Variants in DOCK2 observed in about 807,000 individuals in gnomAD.
DOCK2 encodes the protein dedicator of cytokinesis 2.
DOCK2 carries 87 observed loss-of-function variants against 248.9 expected under a neutral mutation model. The ratio of observed to expected loss-of-function variants is 0.35; its 90% CI spans 0.29 to 0.42. DOCK2 has a LOEUF of 0.42. Among genes scored for constraint, DOCK2 ranks in the 10% least tolerant of loss-of-function variants. The pLI is 1.00. For synonymous variants in DOCK2, 805 were observed against 821.6 expected (o/e 0.98, Z 0.35); for missense variants, 1,747 against 2,300.2 (o/e 0.76, Z 4.92).
At chr5:169,702,797 A>G (rs1761058952) in intron 14 of DOCK2, among the ~76,000 whole-genome samples, 1 of 152,038 alleles carries the variant, frequency 6.6e-6, no homozygotes, top group Admixed American at 6.6e-5. Context: ...TATTCAGGCA[A>G]AGTCCATGGT....
At chr5:170,007,545 T>G (rs1755084031) in intron 30 of DOCK2, among the ~76,000 whole-genome samples, 1 of 152,176 alleles carries the variant, frequency 6.6e-6, no homozygotes, top group African/African-American at 2.4e-5. Context: ...TCACCTCAGT[T>G]TTGCAGACAG....
chr5:169,985,758 T>A, intron 28 of DOCK2, 70 bp from the exon 29 acceptor site: 3 of 1,338,956 alleles, frequency 2.2e-6, no homozygotes, highest in South Asian at 1.8e-5. Flanking sequence ...AGCAAAAAAA[T>A]TTGAAGAGCC....
chr5:170,014,418 A>G (rs1223512452), intron 32 of DOCK2, among the ~76,000 whole-genome samples: 1 of 152,176 alleles, frequency 6.6e-6, no homozygotes, highest in Non-Finnish European at 1.5e-5. Context: ...ATTTAACACC[A>G]TATTCTAAAG....
intron 39 of DOCK2, among the ~76,000 whole-genome samples, chr5:170,046,880 C>T (rs1756734198): frequency 6.6e-6 from 1 of 152,152 alleles, no homozygotes. Context: ...CATATATCTT[C>T]CAGATTGTAT....
At chr5:169,910,235 C>T (rs1379883274) in intron 27 of DOCK2, among the ~76,000 whole-genome samples, 3 of 152,128 alleles carry the variant, frequency 2.0e-5, no homozygotes, top group Non-Finnish European at 2.9e-5. Context: ...ACAGGCCTTT[C>T]ATGTTAGAAG....
At chr5:169,667,160 G>T (rs149641680) in intron 2 of DOCK2, among the ~76,000 whole-genome samples, 19 of 151,996 alleles carry the variant, frequency 1.3e-4, no homozygotes, top group African/African-American at 4.4e-4. Context: ...TTGGTCCCTC[G>T]ATTGTTTTTC....
intron 27 of DOCK2, among the ~76,000 whole-genome samples, chr5:169,862,569 G>A (rs1446651832): frequency 6.6e-6 from 1 of 152,168 alleles, no homozygotes; most frequent in Non-Finnish European, 1.5e-5. Flanking sequence ...GGCTTCTTAA[G>A]TATGACAAGT....
intron 25 of DOCK2, among the ~76,000 whole-genome samples, chr5:169,762,841 A>G (rs753210812): frequency 3.9e-5 from 6 of 152,232 alleles, no homozygotes; most frequent in South Asian, 4.1e-4. Context: ...CCATCACCCA[A>G]CTGGAATTTA....
At chr5:169,789,387 G>A (rs1766187032) in intron 25 of DOCK2, among the ~76,000 whole-genome samples, 1 of 152,196 alleles carries the variant, frequency 6.6e-6, no homozygotes. Flanking sequence ...GGGATTGCTG[G>A]ATCAAATGGT....
chr5:170,031,993 G>A (rs1756152761), intron 34 of DOCK2, among the ~76,000 whole-genome samples: 1 of 151,946 alleles, frequency 6.6e-6, no homozygotes, highest in African/African-American at 2.4e-5. Context: ...CATGCACATG[G>A]AAGTTTGCAA....
chr5:169,728,728 T>G (rs1224675030), intron 22 of DOCK2, among the ~76,000 whole-genome samples: 1 of 152,246 alleles, frequency 6.6e-6, no homozygotes, highest in African/African-American at 2.4e-5. Flanking sequence ...TATCTGTTTG[T>G]GAATTACCTA....
intron 27 of DOCK2, among the ~76,000 whole-genome samples, chr5:169,960,361 T>C (rs1409269875): frequency 6.6e-6 from 1 of 152,234 alleles, no homozygotes; most frequent in African/African-American, 2.4e-5. Flanking sequence ...TGAAAGGTGC[T>C]ATTTCTGGTT....
At chr5:169,793,912 T>A (rs1255314078) in intron 25 of DOCK2, among the ~76,000 whole-genome samples, 1 of 152,102 alleles carries the variant, frequency 6.6e-6, no homozygotes, top group Non-Finnish European at 1.5e-5. Context: ...CCCGTTCAGG[T>A]CTCAGCTTAA....
intron 6 of DOCK2, 155 bp from the exon 7 acceptor site, chr5:169,681,589 G>A: frequency 1.2e-6 from 1 of 843,362 alleles, no homozygotes. Context: ...ATACCAATAT[G>A]TGCTCACTAG....
At chr5:170,003,410 A>G (rs1242288993) in intron 30 of DOCK2, among the ~76,000 whole-genome samples, 1 of 152,244 alleles carries the variant, frequency 6.6e-6, no homozygotes, top group Non-Finnish European at 1.5e-5. Context: ...CATGAGAAAC[A>G]AATGGAGCAC....
rs112104235 is a variant in DOCK2 at position 169,659,267 on chromosome 5, G to A, written c.127+4781G>A. Reference sequence around the variant, plus strand: ...CTACCCACTAGTGGAGTCATCTTGGGTATGTAAGCTTTAGGTTTCTCATCT... The same window carrying A: ...CTACCCACTAGTGGAGTCATCTTGGATATGTAAGCTTTAGGTTTCTCATCT... On this transcript the variant is annotated intron_variant, in intron 2 of 51. Transcript: ENST00000520908. Among the ~76,000 whole-genome samples, 1,491 of 152,162 alleles carry A rather than the reference G, an allele frequency of 9.8e-3. 31 individuals carry two copies. Among genetic ancestry groups the A allele is most frequent in the African/African-American group, 0.035 (1,435 of 41,488 alleles).
At chr5:169,933,011 A>G (rs1328250879) in intron 27 of DOCK2, among the ~76,000 whole-genome samples, 1 of 152,218 alleles carries the variant, frequency 6.6e-6, no homozygotes, top group Non-Finnish European at 1.5e-5. Flanking sequence ...ATTCTCTGCA[A>G]AGAAATGGTT....
chr5:170,047,155 G>A (rs1756743434), intron 39 of DOCK2, among the ~76,000 whole-genome samples: 1 of 152,038 alleles, frequency 6.6e-6, no homozygotes, highest in Non-Finnish European at 1.5e-5. Flanking sequence ...ATGGAGGTGG[G>A]AGCAGAGATG....
chr5:169,664,037 C>A (rs973689495), intron 2 of DOCK2, among the ~76,000 whole-genome samples: 2 of 152,220 alleles, frequency 1.3e-5, no homozygotes, highest in East Asian at 3.8e-4. Flanking sequence ...CAGACCATCT[C>A]TTTGTGAATG....
Sources: gnomAD v4.1 joint callset for allele counts (sites outside exome capture counted in the v4.1 genomes callset) on GRCh38, gnomAD v4.1.1 for gene constraint, MANE v1.5 for transcripts, NCBI Gene and HGNC (gene_info 2026-07-23, HGNC 2026-07-21) for gene names.